Variants in PLD5 observed in about 807,000 individuals in gnomAD.
The protein encoded by PLD5 is phospholipase D family member 5.
PLD5 carries 36 observed loss-of-function variants against 61.1 expected under a neutral mutation model. The ratio of observed to expected loss-of-function variants is 0.59; its 90% CI spans 0.45 to 0.78. The LOEUF is 0.78. PLD5 is among the 30% of genes least tolerant of loss of function. The pLI, the probability that PLD5 is intolerant of heterozygous loss-of-function variation, is 0.00. For missense variants in PLD5, 515 were observed against 644.4 expected, an observed-to-expected ratio of 0.80 and a Z score of 2.17; for synonymous variants, 243 against 242.8, an observed-to-expected ratio of 1.00 and a Z score of -0.01.
intron 4 of PLD5, among the ~76,000 whole-genome samples, chr1:242,221,329 G>C (rs1005872042): frequency 6.6e-6 from 1 of 152,178 alleles, no homozygotes; most frequent in Non-Finnish European, 1.5e-5. Flanking sequence ...AATGAACTAA[G>C]CTATTGTGTC....
At chr1:242,292,336 T>C (rs1675416719) in intron 2 of PLD5, among the ~76,000 whole-genome samples, 2 of 152,108 alleles carry the variant, frequency 1.3e-5, no homozygotes, top group African/African-American at 4.8e-5. Flanking sequence ...AAGAACTAGC[T>C]AGTTTTAATT....
At chr1:242,483,540 A>G (rs1667856090) in intron 1 of PLD5, among the ~76,000 whole-genome samples, 3 of 152,332 alleles carry the variant, frequency 2.0e-5, no homozygotes, top group South Asian at 2.1e-4. Flanking sequence ...CCAATACAGG[A>G]GCACCCACAT....
Position 242,420,045 on chromosome 1 carries a change from C to T in PLD5, c.190-71803G>A, listed in dbSNP as rs144473662. On this transcript the variant is annotated intron_variant, in intron 1 of 9. Transcript: ENST00000536534. ...AAATTCTTCGATAAACTTGTTACCTCCAGGGCTCCTGATTCTTGCTGTAGA... is the reference window on the plus strand; with the variant it reads ...AAATTCTTCGATAAACTTGTTACCTTCAGGGCTCCTGATTCTTGCTGTAGA... Among the ~76,000 whole-genome samples the T allele has an allele frequency of 1.8e-4, 27 of 152,230 alleles. 1 individual carries two copies. Among genetic ancestry groups the T allele is most frequent in the African/African-American group, 6.3e-4 (26 of 41,546 alleles).
chr1:242,227,893 T>C (rs192291230), intron 4 of PLD5, among the ~76,000 whole-genome samples: 1 of 152,270 alleles, frequency 6.6e-6, no homozygotes. Flanking sequence ...ACTTGTTGAG[T>C]AGGAGTAGTT....
At chr1:242,470,850 GT>G (rs1667429244) in intron 1 of PLD5, among the ~76,000 whole-genome samples, 1 of 152,302 alleles carries the variant, frequency 6.6e-6, no homozygotes, top group African/African-American at 2.4e-5. Context: ...AATCTCAGCT[GT>G]GCTCAGAAGC....
At chr1:242,419,491 G>C (rs1050437181) in intron 1 of PLD5, among the ~76,000 whole-genome samples, 2 of 150,492 alleles carry the variant, frequency 1.3e-5, no homozygotes, top group Admixed American at 1.3e-4. Context: ...CACCTCCCGG[G>C]TTCACACAAT....
chr1:242,091,820 TTTTC>T (rs953043701), intron 9 of PLD5, among the ~76,000 whole-genome samples: 34 of 106,948 alleles, frequency 3.2e-4, no homozygotes, highest in African/African-American at 1.5e-3. Flanking sequence ...TTTTCTTTTC[TTTTC>T]TTTTTTTCTT....
chr1:242,282,223 T>C (rs1008124021), intron 3 of PLD5, among the ~76,000 whole-genome samples: 1 of 152,228 alleles, frequency 6.6e-6, no homozygotes, highest in Non-Finnish European at 1.5e-5. Context: ...CAACCACCTA[T>C]GAGGCAGGTT....
In PLD5 at chr1:242,116,288, AAGGGGCAT is replaced by A. The variant is rs892142735; in HGVS notation, c.934-2270_934-2263del. On this transcript the variant is annotated intron_variant, in intron 6 of 9. Coordinates refer to ENST00000536534, the MANE Select transcript of PLD5 (RefSeq NM_001372062.1). ...CTGTTGGACTGGACGCCCACCTTAG[AAGGGGCAT>A]AGGGGCATAGGGATAAGGAAGGAGC... Among the ~76,000 whole-genome samples the A allele has an allele frequency of 1.9e-4, 29 of 152,236 alleles. No homozygotes were observed. The East Asian group carries it at 3.9e-3, about 20-fold the overall frequency.
chr1:242,247,515 T>C (rs1439120469), intron 4 of PLD5, among the ~76,000 whole-genome samples: 1 of 152,174 alleles, frequency 6.6e-6, no homozygotes, highest in Non-Finnish European at 1.5e-5. Flanking sequence ...TTAGGTCTTG[T>C]TTATAATTCT....
At chr1:242,397,983 G>C (rs541723399) in intron 1 of PLD5, among the ~76,000 whole-genome samples, 2 of 152,234 alleles carry the variant, frequency 1.3e-5, no homozygotes, top group East Asian at 3.9e-4. Context: ...AAAAGTCCCA[G>C]TCACAGATAT....
At chr1:242,386,966 C>T (rs1324926866) in intron 1 of PLD5, among the ~76,000 whole-genome samples, 1 of 152,140 alleles carries the variant, frequency 6.6e-6, no homozygotes, top group Non-Finnish European at 1.5e-5. Flanking sequence ...TACACCAACC[C>T]TTTACTCTGA....
chr1:242,094,821 T>C (rs1660096677), intron 9 of PLD5, among the ~76,000 whole-genome samples: 1 of 152,168 alleles, frequency 6.6e-6, no homozygotes, highest in Admixed American at 6.5e-5. Context: ...GTTTACAGAT[T>C]AGAAAATAGA....
intron 5 of PLD5, among the ~76,000 whole-genome samples, chr1:242,172,031 C>A (rs1355005951): frequency 1.3e-5 from 2 of 151,938 alleles, no homozygotes; most frequent in East Asian, 1.9e-4. Context: ...TCCAAGCGGA[C>A]CTAATAGACA....
chr1:242,249,777 T>C (rs1369998416), intron 4 of PLD5, among the ~76,000 whole-genome samples: 1 of 152,230 alleles, frequency 6.6e-6, no homozygotes, highest in Non-Finnish European at 1.5e-5. Flanking sequence ...TTGGAGCTTA[T>C]TAAAGGAACA....
At chr1:242,366,419 G>T (rs1282830914) in intron 1 of PLD5, among the ~76,000 whole-genome samples, 1 of 152,068 alleles carries the variant, frequency 6.6e-6, no homozygotes, top group African/African-American at 2.4e-5. Flanking sequence ...GATCTCAATG[G>T]CACTAAAGGA....
chr1:242,332,670 A>T (rs1487079630), intron 2 of PLD5, among the ~76,000 whole-genome samples: 1 of 152,220 alleles, frequency 6.6e-6, no homozygotes, highest in Non-Finnish European at 1.5e-5. Context: ...ATACAAAAGG[A>T]AAGACAACCA....
At chr1:242,126,900 C>A (rs1040386660) in intron 5 of PLD5, among the ~76,000 whole-genome samples, 1 of 152,114 alleles carries the variant, frequency 6.6e-6, no homozygotes, top group Non-Finnish European at 1.5e-5. Context: ...AAAATCTTCA[C>A]AATCTATACA....
At chr1:242,100,125 A>G (rs907944610) in intron 9 of PLD5, among the ~76,000 whole-genome samples, 4 of 152,242 alleles carry the variant, frequency 2.6e-5, no homozygotes, top group Admixed American at 1.3e-4. Flanking sequence ...CACTTCACCC[A>G]ATGAAGTAGT....
Sources: gnomAD v4.1 joint callset for allele counts (sites outside exome capture counted in the v4.1 genomes callset) on GRCh38, gnomAD v4.1.1 for gene constraint, MANE v1.5 for transcripts, NCBI Gene and HGNC (gene_info 2026-07-23, HGNC 2026-07-21) for gene names.